The following PGCKA1 variants were observed in gnomAD, a reference collection of about 807,000 sequenced individuals.
The protein encoded by PGCKA1 is PDCD10 and GCKIII kinases associated 1.
the PGCKA1 span, among the ~76,000 whole-genome samples, chr4:37,560,011 A>G: frequency 6.6e-6 from 1 of 152,146 alleles, no homozygotes; most frequent in African/African-American, 2.4e-5. Context: ...TGTTGCCTTT[A>G]TCTGGGGACT....
chr4:37,479,058 C>G, the PGCKA1 span, among the ~76,000 whole-genome samples: 1 of 152,186 alleles, frequency 6.6e-6, no homozygotes, highest in Non-Finnish European at 1.5e-5. Context: ...TACAGCAAAG[C>G]AGAAAATGTC....
chr4:37,504,439 AT>A, the PGCKA1 span, among the ~76,000 whole-genome samples: 28,122 of 150,852 alleles, frequency 0.19, 2,851 homozygotes, highest in South Asian at 0.25. Flanking sequence ...ATAAATTAAA[AT>A]TTTTTTTTTT....
At chr4:37,492,751 G>T in the PGCKA1 span, among the ~76,000 whole-genome samples, 3 of 152,136 alleles carry the variant, frequency 2.0e-5, no homozygotes, top group Non-Finnish European at 4.4e-5. The surrounding 1 kb of genome is among the most constrained non-coding windows in gnomAD (Gnocchi z 4.7). Context: ...ACTTGCCCAG[G>T]TGACTGCAGT....
At chr4:37,532,408 T>C in the PGCKA1 span, among the ~76,000 whole-genome samples, 3 of 152,258 alleles carry the variant, frequency 2.0e-5, no homozygotes, top group African/African-American at 7.2e-5. Context: ...GTGGGAACTA[T>C]ACCTGCTCAT....
chr4:37,477,938 A>T, the PGCKA1 span, among the ~76,000 whole-genome samples: 1 of 152,146 alleles, frequency 6.6e-6, no homozygotes. Flanking sequence ...GCTCCTTTTC[A>T]GGTTGGAAAA....
At chr4:37,504,414 C>A in the PGCKA1 span, among the ~76,000 whole-genome samples, 1 of 151,164 alleles carries the variant, frequency 6.6e-6, no homozygotes, top group African/African-American at 2.4e-5. Context: ...TACTCTAGGT[C>A]TTTTGTGGTC....
At chr4:37,569,800 C>T in the PGCKA1 span, among the ~76,000 whole-genome samples, 3 of 152,146 alleles carry the variant, frequency 2.0e-5, no homozygotes, top group Admixed American at 6.5e-5. Context: ...TGTTCCCAAA[C>T]CTGTTTTGAC....
chr4:37,504,301 T>C, the PGCKA1 span, among the ~76,000 whole-genome samples: 1 of 152,236 alleles, frequency 6.6e-6, no homozygotes, highest in Admixed American at 6.5e-5. Context: ...TCTCATTTTA[T>C]GCCACTATCA....
At chr4:37,517,637 T>G in the PGCKA1 span, among the ~76,000 whole-genome samples, 45 of 152,224 alleles carry the variant, frequency 3.0e-4, no homozygotes, top group Non-Finnish European at 5.7e-4. Flanking sequence ...TAATTTTTTG[T>G]GGGTACAGAT....
At chr4:37,510,312 T>C in the PGCKA1 span, among the ~76,000 whole-genome samples, 6 of 152,136 alleles carry the variant, frequency 3.9e-5, no homozygotes, top group Admixed American at 6.5e-5. Context: ...AAGTATTTAT[T>C]ATAGTCTTTG....
the PGCKA1 span, among the ~76,000 whole-genome samples, chr4:37,499,821 T>C: frequency 1.3e-5 from 2 of 152,084 alleles, no homozygotes; most frequent in Admixed American, 1.3e-4. Context: ...TTGATTTTGG[T>C]TATTTCTTGT....
At chr4:37,526,947 G>A in the PGCKA1 span, among the ~76,000 whole-genome samples, 1 of 152,180 alleles carries the variant, frequency 6.6e-6, no homozygotes, top group Non-Finnish European at 1.5e-5. Context: ...CATACAAGAT[G>A]ATAGCTCCAT....
At chr4:37,560,966 A>G in the PGCKA1 span, among the ~76,000 whole-genome samples, 18 of 152,050 alleles carry the variant, frequency 1.2e-4, no homozygotes, top group African/African-American at 3.9e-4. Flanking sequence ...CATCTTTTCC[A>G]TCTCAGCCAA....
At chr4:37,472,189 C>T in the PGCKA1 span, among the ~76,000 whole-genome samples, 3 of 152,324 alleles carry the variant, frequency 2.0e-5, no homozygotes, top group South Asian at 2.1e-4. Flanking sequence ...ACTTCAGCCT[C>T]CTGCCCTACC....
the PGCKA1 span, among the ~76,000 whole-genome samples, chr4:37,562,796 A>G: frequency 1.3e-5 from 2 of 152,184 alleles, no homozygotes; most frequent in East Asian, 1.9e-4. Context: ...AACTCTTTCT[A>G]CATCCCTGGA....
At chr4:37,569,108 G>T in the PGCKA1 span, among the ~76,000 whole-genome samples, 1 of 151,976 alleles carries the variant, frequency 6.6e-6, no homozygotes, top group Non-Finnish European at 1.5e-5. Flanking sequence ...AAAAAAAAGG[G>T]GGGGAGAGAT....
chr4:37,590,574 C>T, the PGCKA1 span: 2 of 1,614,158 alleles, frequency 1.2e-6, no homozygotes, highest in African/African-American at 1.3e-5. Context: ...AAAGTTTTGC[C>T]TTGGAAGTAC....
the PGCKA1 span, among the ~76,000 whole-genome samples, chr4:37,469,314 C>T: frequency 6.6e-6 from 1 of 152,218 alleles, no homozygotes; most frequent in African/African-American, 2.4e-5. Flanking sequence ...TAATTATTTT[C>T]TCCTCAGTCA....
the PGCKA1 span, among the ~76,000 whole-genome samples, chr4:37,586,863 T>C: frequency 1.1e-4 from 16 of 152,176 alleles, no homozygotes; most frequent in Admixed American, 7.9e-4. Context: ...CGAGCCGAGA[T>C]TGTGCCATTG....
Sources: allele counts gnomAD v4.1 joint callset (sites outside exome capture counted in the v4.1 genomes callset), GRCh38; gene constraint gnomAD v4.1.1; non-coding constraint Gnocchi (gnomAD v3.1); transcripts MANE v1.5; gene names NCBI Gene and HGNC (gene_info 2026-07-23, HGNC 2026-07-21).